Variants in CXADR observed in about 807,000 individuals in gnomAD.
CXADR encodes the protein CXADR cell adhesion molecule, also known as coxsackievirus and adenovirus receptor.
Under a neutral mutation model 40.3 loss-of-function variants are expected in CXADR, and 20 were observed. The ratio of observed to expected loss-of-function variants is 0.50; its 90% CI spans 0.35 to 0.72. CXADR has a LOEUF of 0.72. Ranked by LOEUF, CXADR falls within the 30% of genes least tolerant of loss-of-function variation. The pLI is 0.01. For missense variants in CXADR, 332 were observed against 449.1 expected (o/e 0.74, Z 2.36); for synonymous variants, 150 against 161.3 (o/e 0.93, Z 0.53).
At chr21:17,558,884 C>T in intron 3 of CXADR, 92 bp from the exon 4 acceptor site, 1 of 1,311,102 alleles carries the variant, frequency 7.6e-7, no homozygotes, top group Non-Finnish European at 1.0e-6. Context: ...CCAGAACCAA[C>T]TGATAATGAG....
chr21:17,544,110 G>A (rs146406990), intron 1 of CXADR, among the ~76,000 whole-genome samples: 4 of 152,240 alleles, frequency 2.6e-5, no homozygotes, highest in Admixed American at 6.5e-5. Flanking sequence ...GCTAAGTGCC[G>A]AGTAAGTGAT....
At chr21:17,528,068 C>CTT (rs35477813) in intron 1 of CXADR, among the ~76,000 whole-genome samples, 1,727 of 78,300 alleles carry the variant, frequency 0.022, 77 homozygotes, top group East Asian at 0.062. Context: ...TTAGTTCTTT[C>CTT]TTTTTTTTTT....
chr21:17,592,684 CAT>C, intron 7 of CXADR, among the ~76,000 whole-genome samples: 1 of 151,586 alleles, frequency 6.6e-6, no homozygotes, highest in Non-Finnish European at 1.5e-5. Context: ...TGATAAAACG[CAT>C]CTCCCTTGTG....
intron 1 of CXADR, among the ~76,000 whole-genome samples, chr21:17,535,895 C>T (rs1404115714): frequency 1.3e-5 from 2 of 152,172 alleles, no homozygotes; most frequent in East Asian, 3.9e-4. Flanking sequence ...GTAGTCCCAG[C>T]TACTCGAGAG....
intron 1 of CXADR, among the ~76,000 whole-genome samples, chr21:17,520,897 A>C (rs1316675658): frequency 6.6e-6 from 1 of 152,198 alleles, no homozygotes; most frequent in Non-Finnish European, 1.5e-5. Flanking sequence ...GATGACAATG[A>C]GCTTAAGTTT....
At position 17,534,066 on chromosome 21, in the gene CXADR, A is replaced by ATG. The variant is rs1159523265; in HGVS notation, c.44-12960_44-12959insGT. Reference sequence around the variant, plus strand: ...TATATACACATATATATAGCTATATATATACACACACACACATATATATAT... The same window carrying ATG: ...TATATACACATATATATAGCTATATATGTATACACACACACACATATATATAT... On this transcript the variant is annotated intron_variant, in intron 1 of 6. Transcript: ENST00000284878. 4.9e-5 allele frequency among the ~76,000 whole-genome samples: 5 copies of ATG among 102,858 alleles called. No homozygotes were observed. The South Asian group carries it at 1.6e-3, about 34-fold the overall frequency. 67.5% of individuals were successfully genotyped at this position (102,858 alleles called of 152,430 possible). A position where few individuals can be genotyped will look rare whatever the true frequency, so the allele number is the denominator to read the frequency against.
chr21:17,590,341 T>C (rs994292164), intron 7 of CXADR, among the ~76,000 whole-genome samples: 1 of 151,906 alleles, frequency 6.6e-6, no homozygotes, highest in African/African-American at 2.4e-5. Flanking sequence ...CTGCTACAAG[T>C]CTTAATGGTG....
At chr21:17,533,749 C>T (rs1380021790) in intron 1 of CXADR, among the ~76,000 whole-genome samples, 1 of 151,926 alleles carries the variant, frequency 6.6e-6, no homozygotes, top group Non-Finnish European at 1.5e-5. Flanking sequence ...CAGTTTATTT[C>T]CTGGGGGCCT....
At chr21:17,616,808 A>G in the CXADR span, among the ~76,000 whole-genome samples, 1 of 152,232 alleles carries the variant, frequency 6.6e-6, no homozygotes, top group Non-Finnish European at 1.5e-5. Flanking sequence ...CATTTCTTCA[A>G]AAATTTCCAG....
chr21:17,586,941 A>G (rs1265444609), intron 7 of CXADR, among the ~76,000 whole-genome samples: 1 of 151,634 alleles, frequency 6.6e-6, no homozygotes, highest in Non-Finnish European at 1.5e-5. Context: ...TCCTGTGTCC[A>G]TGTGTTCTCG....
the CXADR span, among the ~76,000 whole-genome samples, chr21:17,600,289 C>CA: frequency 1.3e-5 from 2 of 151,962 alleles, no homozygotes; most frequent in African/African-American, 4.8e-5. Flanking sequence ...AGCATCAGGA[C>CA]AAAGGATATT....
chr21:17,552,195 G>C (rs1303178900), intron 3 of CXADR, among the ~76,000 whole-genome samples: 2 of 152,202 alleles, frequency 1.3e-5, no homozygotes, highest in Non-Finnish European at 2.9e-5. Flanking sequence ...AAGTGAACGA[G>C]TATTATGGTA....
chr21:17,592,016 C>CA (rs544763211), intron 7 of CXADR, among the ~76,000 whole-genome samples: 2 of 151,870 alleles, frequency 1.3e-5, no homozygotes, highest in South Asian at 4.1e-4. Flanking sequence ...GTAGTCGAAA[C>CA]ACTGGCAGAA....
Position 17,547,024 on chromosome 21 carries a change from T to C in CXADR, c.44-3T>C, listed in dbSNP as rs779592489. ...TTAGTCCCTTGTACATTTCTTTCTC[T>C]AGATTTCGCCAGAAGTTTGAGTATC... On this transcript the variant is annotated splice_region_variant and splice_polypyrimidine_tract_variant and intron_variant, in intron 1 of 6. Transcript: ENST00000284878. 1.2e-6 allele frequency: 2 copies of C among 1,612,308 alleles called. No homozygotes were observed. The highest frequency in any genetic ancestry group is 1.7e-6 in the Non-Finnish European group (2 of 1,179,828).
intron 1 of CXADR, among the ~76,000 whole-genome samples, chr21:17,517,271 A>G (rs886919444): frequency 6.6e-6 from 1 of 152,186 alleles, no homozygotes; most frequent in Non-Finnish European, 1.5e-5. Flanking sequence ...AATGCAACTT[A>G]CCTCCAAGTC....
At chr21:17,561,701 A>G (rs1306292396) in intron 6 of CXADR, among the ~76,000 whole-genome samples, 1 of 152,154 alleles carries the variant, frequency 6.6e-6, no homozygotes, top group East Asian at 1.9e-4. Context: ...ACCCCATTTT[A>G]AGAACCACTG....
rs745818831 is a variant in CXADR, at chr21:17,582,329, TTAA to T, written c.1018-10817_1018-10815del. Among the ~76,000 whole-genome samples, 16 of 152,284 alleles carry T rather than the reference TTAA, an allele frequency of 1.1e-4. No individual in the cohort carries two copies. In the East Asian group the frequency reaches 2.3e-3, roughly 22 times the overall value. Reference sequence around the variant, plus strand: ...AGCCCGCTGGAGGAGCTTTTAAATATTAATAATATTAGTTCTTTGTGATTTGAC... The same window carrying T: ...AGCCCGCTGGAGGAGCTTTTAAATATTAATATTAGTTCTTTGTGATTTGAC... On this transcript the variant is annotated intron_variant, in intron 7 of 7. Coordinates refer to the CXADR transcript ENST00000400169.
At chr21:17,524,803 G>A (rs895002223) in intron 1 of CXADR, among the ~76,000 whole-genome samples, 1 of 151,862 alleles carries the variant, frequency 6.6e-6, no homozygotes, top group African/African-American at 2.4e-5. Flanking sequence ...CAGCTATTCG[G>A]GAGGCTGAGG....
In CXADR at chr21:17,587,869, C is replaced by G. The variant is rs548058884; in HGVS notation, c.1018-5283C>G. Reference sequence around the variant, plus strand: ...TTCTTCTAGGGTTATGGTTTTAGGTCTAACATGTAAGTCTTTAATCCATCT... The same window carrying G: ...TTCTTCTAGGGTTATGGTTTTAGGTGTAACATGTAAGTCTTTAATCCATCT... On this transcript the variant is annotated intron_variant, in intron 7 of 7. Transcript: ENST00000400169. Among the ~76,000 whole-genome samples the G allele has an allele frequency of 5.1e-4, 78 of 152,170 alleles. 1 individual carries two copies. Among genetic ancestry groups the G allele is most frequent in the Non-Finnish European group, 9.1e-4 (62 of 68,030 alleles).
Sources: allele counts gnomAD v4.1 joint callset (sites outside exome capture counted in the v4.1 genomes callset), GRCh38; gene constraint gnomAD v4.1.1; transcripts MANE v1.5; gene names NCBI Gene and HGNC (gene_info 2026-07-23, HGNC 2026-07-21).